The following NRG1 variants were observed in gnomAD, a reference collection of about 807,000 sequenced individuals.
NRG1 encodes pro-neuregulin-1, membrane-bound isoform.
A neutral mutation model predicts 63.8 loss-of-function variants in NRG1; 18 were observed. The observed-to-expected ratio is 0.28, with a 90% CI of 0.19 to 0.42. NRG1 has a LOEUF of 0.42. Among genes scored for constraint, NRG1 ranks in the 10% least tolerant of loss-of-function variants. NRG1 has a pLI of 1.00. For missense variants in NRG1, 762 were observed against 814.7 expected (o/e 0.94, Z 0.79); for synonymous variants, 302 against 301.3 (o/e 1.00, Z -0.02).
chr8:32,664,530 C>A (rs1001462690), intron 5 of NRG1, among the ~76,000 whole-genome samples: 3 of 151,960 alleles, frequency 2.0e-5, no homozygotes, highest in African/African-American at 4.8e-5. Context: ...TTATTAAGCA[C>A]GTATTGTGTG....
intron 7 of NRG1, chr8:32,749,525 T>C: frequency 6.2e-7 from 1 of 1,612,570 alleles, no homozygotes; most frequent in Non-Finnish European, 8.5e-7. Flanking sequence ...CTTTTTCCCT[T>C]TCTTTCTTTT....
At chr8:31,843,150 G>A (rs1031660649) in intron 1 of NRG1, among the ~76,000 whole-genome samples, 2 of 152,012 alleles carry the variant, frequency 1.3e-5, no homozygotes, top group Non-Finnish European at 2.9e-5. Flanking sequence ...TTGAATTTCA[G>A]TGAACCTTGC....
At chr8:32,049,037 A>G (rs1005116823) in intron 1 of NRG1, among the ~76,000 whole-genome samples, 6 of 152,066 alleles carry the variant, frequency 3.9e-5, no homozygotes, top group Admixed American at 1.3e-4. Flanking sequence ...GTCAATATTT[A>G]AAGAACTTGA....
chr8:31,847,403 G>A (rs868212764), intron 1 of NRG1, among the ~76,000 whole-genome samples: 7 of 152,096 alleles, frequency 4.6e-5, no homozygotes, highest in African/African-American at 7.2e-5. Context: ...CAGGGTGTTC[G>A]GATGAGCTAT....
intron 1 of NRG1, among the ~76,000 whole-genome samples, chr8:31,885,400 A>G (rs1052080569): frequency 6.6e-6 from 1 of 152,002 alleles, no homozygotes. Context: ...TGTGTGGAAA[A>G]CCTTTAGAAT....
intron 5 of NRG1, among the ~76,000 whole-genome samples, chr8:32,698,252 G>A (rs770907414): frequency 2.0e-5 from 3 of 151,854 alleles, no homozygotes; most frequent in Non-Finnish European, 2.9e-5. Context: ...CAGTGAGTAA[G>A]CATATAAGTA....
At chr8:32,103,895 C>T (rs1007710746) in intron 1 of NRG1, among the ~76,000 whole-genome samples, 1 of 152,088 alleles carries the variant, frequency 6.6e-6, no homozygotes, top group African/African-American at 2.4e-5. Context: ...CATGCCCCTC[C>T]TTTATCTGTT....
exon 9 of NRG1, chr8:32,756,406 A>G: frequency 1.2e-6 from 2 of 1,609,692 alleles, no homozygotes; most frequent in Non-Finnish European, 1.7e-6. Context: ...TGTCCAGGAA[A>G]CAGCGGAAAA....
chr8:31,707,413 T>C (rs930950764), intron 1 of NRG1, among the ~76,000 whole-genome samples: 2 of 152,162 alleles, frequency 1.3e-5, no homozygotes, highest in Non-Finnish European at 2.9e-5. Flanking sequence ...CTAGAATTTC[T>C]AAACTACCTT....
intron 5 of NRG1, among the ~76,000 whole-genome samples, chr8:32,622,266 A>T (rs917326831): frequency 1.3e-5 from 2 of 152,200 alleles, no homozygotes; most frequent in African/African-American, 4.8e-5. Flanking sequence ...AGCCTGGGCA[A>T]CAGAGACCCT....
At chr8:31,941,172 A>C (rs1801692392) in intron 1 of NRG1, among the ~76,000 whole-genome samples, 1 of 152,172 alleles carries the variant, frequency 6.6e-6, no homozygotes, top group African/African-American at 2.4e-5. Flanking sequence ...AATTGAATCC[A>C]ACAGTATATC....
At chr8:32,024,565 T>G (rs1381857262) in intron 1 of NRG1, among the ~76,000 whole-genome samples, 1 of 152,174 alleles carries the variant, frequency 6.6e-6, no homozygotes, top group African/African-American at 2.4e-5. Context: ...TGGAGATTTA[T>G]TAAATAAAAA....
intron 3 of NRG1, among the ~76,000 whole-genome samples, chr8:32,606,106 G>A (rs184809097): frequency 1.3e-4 from 19 of 148,374 alleles, no homozygotes; most frequent in Admixed American, 2.7e-4. Flanking sequence ...TTATATATGC[G>A]TTATATATGT....
intron 1 of NRG1, among the ~76,000 whole-genome samples, chr8:31,908,013 C>T (rs550013869): frequency 6.6e-6 from 1 of 152,196 alleles, no homozygotes; most frequent in Non-Finnish European, 1.5e-5. Context: ...AACTCACATC[C>T]CATTTTCCTT....
intron 5 of NRG1, among the ~76,000 whole-genome samples, chr8:32,669,506 G>C (rs1198030193): frequency 6.6e-6 from 1 of 152,166 alleles, no homozygotes. Context: ...TGTTCAGCAT[G>C]TATAAAACCC....
chr8:32,125,940 T>C (rs995911164), intron 1 of NRG1, among the ~76,000 whole-genome samples: 1 of 152,120 alleles, frequency 6.6e-6, no homozygotes, highest in African/African-American at 2.4e-5. Flanking sequence ...CATGTGGAGT[T>C]CACTGTTTGT....
At chr8:32,661,893 G>A (rs917817101) in intron 5 of NRG1, among the ~76,000 whole-genome samples, 1 of 152,096 alleles carries the variant, frequency 6.6e-6, no homozygotes, top group Non-Finnish European at 1.5e-5. Flanking sequence ...AGATTAAAAG[G>A]TACAAACATA....
At chr8:32,072,314 C>A (rs1166791809) in intron 1 of NRG1, among the ~76,000 whole-genome samples, 2 of 151,382 alleles carry the variant, frequency 1.3e-5, no homozygotes, top group Admixed American at 6.6e-5. Flanking sequence ...AAAAAGAGGC[C>A]CTTAGTCATT....
chr8:31,829,754 G>C (rs970788351), intron 1 of NRG1, among the ~76,000 whole-genome samples: 2 of 152,178 alleles, frequency 1.3e-5, no homozygotes, highest in African/African-American at 4.8e-5. Flanking sequence ...GTAGGAACCT[G>C]CTTCTTCTCT....
Sources: allele counts gnomAD v4.1 joint callset (sites outside exome capture counted in the v4.1 genomes callset), GRCh38; gene constraint gnomAD v4.1.1; transcripts MANE v1.5; gene names NCBI Gene and HGNC (gene_info 2026-07-23, HGNC 2026-07-21).